KIAA0232: variants seen among roughly 807,000 people sequenced by gnomAD.
The protein encoded by KIAA0232 is uncharacterized protein KIAA0232.
In KIAA0232, 27 loss-of-function variants were observed where a neutral mutation model predicts 122.0. That is an observed-to-expected ratio of 0.22 (90% CI 0.16 to 0.31). The LOEUF (loss-of-function observed/expected upper bound fraction) is 0.31, where lower values mean the gene tolerates loss of function less well. Among genes scored for constraint, KIAA0232 ranks in the 10% least tolerant of loss-of-function variants. The pLI, the probability that KIAA0232 is intolerant of heterozygous loss-of-function variation, is 1.00. For missense variants in KIAA0232, 1,551 were observed against 1,634.2 expected (o/e 0.95, Z 0.88); for synonymous variants, 613 against 587.6 (o/e 1.04, Z -0.63).
intron 2 of KIAA0232, among the ~76,000 whole-genome samples, chr4:6,811,161 T>C (rs1254740675): frequency 6.6e-6 from 1 of 152,226 alleles, no homozygotes; most frequent in East Asian, 1.9e-4. Flanking sequence ...TGTGCTCGTA[T>C]GTTTATTGCG....
chr4:6,812,288 C>G (rs929331478), intron 2 of KIAA0232, among the ~76,000 whole-genome samples: 1 of 152,116 alleles, frequency 6.6e-6, no homozygotes, highest in African/African-American at 2.4e-5. Context: ...TATTTGCACA[C>G]CGGCTCCATG....
intron 3 of KIAA0232, among the ~76,000 whole-genome samples, chr4:6,836,916 A>G (rs1267374132): frequency 2.0e-5 from 3 of 152,238 alleles, no homozygotes; most frequent in Admixed American, 6.5e-5. Flanking sequence ...TTCTTAGTAC[A>G]GAACAAAATG....
Position 6,862,173 on chromosome 4 carries a change from C to T in KIAA0232, c.1791C>T (p.Ser597=). 1 of 1,614,176 alleles carries T rather than the reference C, an allele frequency of 6.2e-7. No individual in the cohort carries two copies. The highest frequency in any genetic ancestry group is 8.5e-7 in the Non-Finnish European group (1 of 1,180,034). The part of the protein sequence containing the change: ...LAQFWECCSS[S]SGDADGESFG... The stretch of plus-strand genomic sequence containing the variant: ...AGTTTTGGGAGTGCTGTTCATCCAG[C>T]TCCGGTGATGCTGATGGGGAGAGTT... Residue 597 remains serine, a synonymous_variant, in exon 7 of 10, where the codon AGC becomes AGT. Transcript: ENST00000307659.
intron 1 of KIAA0232, among the ~76,000 whole-genome samples, chr4:6,790,386 AAAG>A (rs1560158468): frequency 2.0e-5 from 3 of 149,024 alleles, no homozygotes; most frequent in Non-Finnish European, 4.4e-5. Context: ...TTTAATTAAA[AAAG>A]GTCTTTTTTT....
At chr4:6,828,370 T>C (rs1196621028) in intron 3 of KIAA0232, among the ~76,000 whole-genome samples, 1 of 152,212 alleles carries the variant, frequency 6.6e-6, no homozygotes, top group Non-Finnish European at 1.5e-5. Flanking sequence ...CGAGACCCTG[T>C]CTCTTAAAAA....
chr4:6,881,417 A>T lies in KIAA0232; in HGVS notation c.*451A>T, dbSNP rs1270871811. The T allele has an allele frequency of 6.6e-6, 1 of 152,662 alleles. No individual in the cohort carries two copies. Among genetic ancestry groups the T allele is most frequent in the Non-Finnish European group, 1.5e-5 (1 of 68,198 alleles). 9.5% of individuals were successfully genotyped at this position (152,662 alleles called of 1,614,324 possible). ...ACTGGGATATCCATTCTTACCCTAC[A>T]GTGGCTTGATGCCTTTCTGAAGGCG... On this transcript the variant is annotated 3_prime_UTR_variant, in exon 10 of 10. Transcript: ENST00000307659.
chr4:6,871,112 A>G (rs530544146), intron 7 of KIAA0232, among the ~76,000 whole-genome samples: 4 of 152,264 alleles, frequency 2.6e-5, no homozygotes, highest in South Asian at 4.1e-4. Flanking sequence ...GGCTTTTAAA[A>G]TGCACTTTTT....
intron 1 of KIAA0232, among the ~76,000 whole-genome samples, chr4:6,802,573 CTA>C (rs1336931094): frequency 1.3e-5 from 2 of 149,064 alleles, no homozygotes; most frequent in East Asian, 2.0e-4. Flanking sequence ...TACTAAATAA[CTA>C]TGTGTGTGTG....
chr4:6,871,569 A>T lies in KIAA0232; in HGVS notation c.3802-5A>T, dbSNP rs1170396308. On this transcript the variant is annotated splice_region_variant and splice_polypyrimidine_tract_variant and intron_variant, in intron 7 of 9. Coordinates refer to ENST00000307659, the MANE Select transcript of KIAA0232 (RefSeq NM_014743.3). Reference sequence around the variant, plus strand: ...CTTTTTCTGTATTTGGTTTAATCTAAACAGTTCCCTGTATTGAACACTGAT... The same window carrying T: ...CTTTTTCTGTATTTGGTTTAATCTATACAGTTCCCTGTATTGAACACTGAT... 6.5e-7 allele frequency: 1 copy of T among 1,537,432 alleles called. No homozygotes were observed. The highest frequency in any genetic ancestry group is 1.4e-5 in the African/African-American group (1 of 72,930).
intron 3 of KIAA0232, among the ~76,000 whole-genome samples, chr4:6,832,416 T>G (rs1719042111): frequency 6.6e-6 from 1 of 151,040 alleles, no homozygotes; most frequent in Non-Finnish European, 1.5e-5. Context: ...TGGCGTGATC[T>G]CGGCTCACTG....
intron 3 of KIAA0232, among the ~76,000 whole-genome samples, chr4:6,836,950 A>G (rs987158437): frequency 4.6e-5 from 7 of 152,106 alleles, no homozygotes; most frequent in Admixed American, 6.6e-5. Context: ...ATTTCTTTCC[A>G]CACAGACACG....
At chr4:6,785,593 G>A (rs1206741190) in intron 1 of KIAA0232, among the ~76,000 whole-genome samples, 1 of 152,180 alleles carries the variant, frequency 6.6e-6, no homozygotes, top group Non-Finnish European at 1.5e-5. Context: ...TACTTGCTTT[G>A]CTTAAAGTTT....
At chr4:6,874,893 T>TA (rs1287810251) in intron 8 of KIAA0232, among the ~76,000 whole-genome samples, 1 of 152,090 alleles carries the variant, frequency 6.6e-6, no homozygotes, top group Non-Finnish European at 1.5e-5. Context: ...TGTGGCACAA[T>TA]AAAACCCTCT....
intron 8 of KIAA0232, among the ~76,000 whole-genome samples, chr4:6,875,285 A>G (rs1721691821): frequency 6.6e-6 from 1 of 152,262 alleles, no homozygotes; most frequent in Admixed American, 6.5e-5. Flanking sequence ...GTAGGAGGGA[A>G]AATGGTGATG....
chr4:6,866,480 A>G (rs199712094), intron 7 of KIAA0232, among the ~76,000 whole-genome samples: 1 of 152,184 alleles, frequency 6.6e-6, no homozygotes, highest in African/African-American at 2.4e-5. Flanking sequence ...CTGAAGGGAC[A>G]GTTTGGGGCC....
chr4:6,845,712 T>A (rs1719920611), intron 4 of KIAA0232, among the ~76,000 whole-genome samples: 1 of 152,044 alleles, frequency 6.6e-6, no homozygotes, highest in South Asian at 2.1e-4. Flanking sequence ...TGAGAAAGGA[T>A]CTTATTTCTT....
intron 1 of KIAA0232, among the ~76,000 whole-genome samples, chr4:6,797,238 AG>A (rs1197585126): frequency 3.3e-5 from 5 of 152,196 alleles, no homozygotes; most frequent in Non-Finnish European, 7.3e-5. Flanking sequence ...AGGCCTTGCC[AG>A]GGTGGGCAAA....
chr4:6,787,978 A>G (rs182976427), intron 1 of KIAA0232, among the ~76,000 whole-genome samples: 47 of 152,320 alleles, frequency 3.1e-4, no homozygotes, highest in Non-Finnish European at 4.4e-4. Context: ...AATCACTGTA[A>G]GATCTTTGCT....
At chr4:6,789,133 G>A (rs62289424) in intron 1 of KIAA0232, among the ~76,000 whole-genome samples, 24,057 of 151,774 alleles carry the variant, frequency 0.16, 2,272 homozygotes, top group Admixed American at 0.27. Flanking sequence ...CACAACGCCC[G>A]GCTAATTTTT....
Sources: gnomAD v4.1 joint callset for allele counts (sites outside exome capture counted in the v4.1 genomes callset) on GRCh38, gnomAD v4.1.1 for gene constraint, MANE v1.5 for transcripts, NCBI Gene and HGNC (gene_info 2026-07-23, HGNC 2026-07-21) for gene names.